The following DNAH9 variants were observed in gnomAD, a reference collection of about 807,000 sequenced individuals.
The protein encoded by DNAH9 is dynein axonemal heavy chain 9.
In DNAH9, 345 loss-of-function variants were observed where a neutral mutation model predicts 471.6. That is an observed-to-expected ratio of 0.73 (90% CI 0.67 to 0.80). DNAH9 has a LOEUF of 0.80. DNAH9 is among the 30% of genes least tolerant of loss of function. The probability of loss-of-function intolerance (pLI) is 0.00; values close to 1 mark genes in which losing one functional copy is unlikely to be tolerated. For synonymous variants in DNAH9, 2,093 were observed against 2,123.6 expected, an observed-to-expected ratio of 0.99 and a Z score of 0.40; for missense variants, 5,407 against 5,609.2, an observed-to-expected ratio of 0.96 and a Z score of 1.15.
chr17:11,959,197 G>A (rs1477653367), intron 67 of DNAH9, among the ~76,000 whole-genome samples: 2 of 152,054 alleles, frequency 1.3e-5, no homozygotes, highest in East Asian at 1.9e-4. Context: ...TCTAAGTTTG[G>A]GAACAAGGCA....
intron 32 of DNAH9, 80 bp from the exon 33 acceptor site, chr17:11,752,753 A>T: frequency 1.6e-6 from 2 of 1,214,592 alleles, no homozygotes; most frequent in Non-Finnish European, 2.3e-6. Flanking sequence ...TGTGTGTTGT[A>T]GCTAAAGGGG....
chr17:11,875,093 C>A lies in DNAH9; in HGVS notation c.10387C>A (p.Pro3463Thr), dbSNP rs767512727. Residue 3463 changes from proline to threonine, a missense_variant, in exon 53 of 69, where the codon CCA (proline) becomes ACA (threonine). Physicochemically the swap from Pro to Thr is conservative, Grantham distance 38. Coordinates refer to ENST00000262442, the MANE Select transcript of DNAH9 (RefSeq NM_001372.4). ...CATTCTCATCAACTGTGAGCGCTGG[C>A]CACTCATGGTTGACCCTCAGCTACA... ...ATILINCERW[P>T]LMVDPQLQGI... The A allele has an allele frequency of 2.5e-6, 4 of 1,613,970 alleles. No homozygotes were observed. The highest frequency in any genetic ancestry group is 1.6e-4 in the Middle Eastern group (1 of 6,084).
chr17:11,695,612 A>AT (rs910034397), intron 22 of DNAH9, among the ~76,000 whole-genome samples: 4 of 152,230 alleles, frequency 2.6e-5, no homozygotes, highest in African/African-American at 7.2e-5. Flanking sequence ...AAAGTAACTA[A>AT]TTGAAGCAGT....
chr17:11,610,648 A>G (rs2072615016), intron 3 of DNAH9, 94 bp downstream of exon 3: 5 of 1,187,758 alleles, frequency 4.2e-6, no homozygotes, highest in Non-Finnish European at 5.9e-6. Context: ...CATTGAGCCT[A>G]TTCTTCCCTA....
chr17:11,858,071 G>C (rs1019759981), intron 50 of DNAH9, among the ~76,000 whole-genome samples: 1 of 152,192 alleles, frequency 6.6e-6, no homozygotes, highest in Non-Finnish European at 1.5e-5. Context: ...GTTAACAGTG[G>C]TGGTGATCTC....
chr17:11,638,635 T>G (rs1237348324), intron 9 of DNAH9, among the ~76,000 whole-genome samples: 1 of 152,162 alleles, frequency 6.6e-6, no homozygotes, highest in East Asian at 1.9e-4. Flanking sequence ...TCTGCCTGCC[T>G]CAGCCTCCCA....
At chr17:11,914,827 C>T (rs1459642935) in intron 61 of DNAH9, among the ~76,000 whole-genome samples, 1 of 152,142 alleles carries the variant, frequency 6.6e-6, no homozygotes, top group Non-Finnish European at 1.5e-5. Context: ...GGGTCCTTTT[C>T]ATTCATCTGC....
intron 42 of DNAH9, among the ~76,000 whole-genome samples, chr17:11,794,753 T>C (rs978157521): frequency 3.3e-5 from 5 of 152,208 alleles, no homozygotes. Context: ...AAATGTGTCC[T>C]GCTAAGTAGT....
At chr17:11,647,804 A>T (rs1340965583) in intron 12 of DNAH9, among the ~76,000 whole-genome samples, 2 of 152,074 alleles carry the variant, frequency 1.3e-5, no homozygotes, top group Non-Finnish European at 2.9e-5. Flanking sequence ...TGGAAATAAG[A>T]CTCTAGATTA....
At chr17:11,793,731 C>CA in intron 42 of DNAH9, 67 bp downstream of exon 42, 1 of 1,224,252 alleles carries the variant, frequency 8.2e-7, no homozygotes, top group Non-Finnish European at 1.1e-6. Context: ...AGATGATCAC[C>CA]CAATGATAAA....
chr17:11,734,154 A>G (rs1386253245), intron 28 of DNAH9, among the ~76,000 whole-genome samples: 2 of 152,158 alleles, frequency 1.3e-5, no homozygotes, highest in Non-Finnish European at 2.9e-5. Context: ...CAACAGCACC[A>G]GCATCCCCTG....
At chr17:11,799,531 A>G (rs1489010358) in intron 43 of DNAH9, among the ~76,000 whole-genome samples, 1 of 151,386 alleles carries the variant, frequency 6.6e-6, no homozygotes, top group Non-Finnish European at 1.5e-5. Context: ...CAGCTCCCCT[A>G]ACTTTCTTGT....
chr17:11,662,851 G>T (rs2073797433), intron 14 of DNAH9, among the ~76,000 whole-genome samples: 2 of 146,120 alleles, frequency 1.4e-5, no homozygotes, highest in Admixed American at 1.4e-4. Flanking sequence ...CGCCTCCCGG[G>T]TTCACGCCAT....
chr17:11,708,006 CACACACACAGAGAGAG>C (rs1333745282), intron 26 of DNAH9, among the ~76,000 whole-genome samples: 9 of 48,214 alleles, frequency 1.9e-4, no homozygotes, highest in Admixed American at 5.6e-4. Context: ...CACACACACA[CACACACACAGAGAGAG>C]AGAGAGAGAG....
intron 30 of DNAH9, among the ~76,000 whole-genome samples, chr17:11,744,166 A>T (rs981727932): frequency 1.3e-5 from 2 of 152,120 alleles, no homozygotes; most frequent in Non-Finnish European, 2.9e-5. Flanking sequence ...TTAAGTAGCA[A>T]TCTGCTACAA....
chr17:11,898,064 A>G (rs1433471581), intron 59 of DNAH9, among the ~76,000 whole-genome samples: 1 of 150,902 alleles, frequency 6.6e-6, no homozygotes, highest in Non-Finnish European at 1.5e-5. Flanking sequence ...ACATCTTCAC[A>G]TGGCTGTCTG....
At chr17:11,692,499 C>G (rs1182941035) in intron 20 of DNAH9, among the ~76,000 whole-genome samples, 1 of 152,068 alleles carries the variant, frequency 6.6e-6, no homozygotes, top group African/African-American at 2.4e-5. Flanking sequence ...AGTATATTTG[C>G]TGAGGGAAAA....
chr17:11,928,050 T>C (rs1402443018), intron 62 of DNAH9, among the ~76,000 whole-genome samples: 1 of 152,186 alleles, frequency 6.6e-6, no homozygotes, highest in Non-Finnish European at 1.5e-5. Flanking sequence ...TCTCAACAAC[T>C]ACTACTATCC....
At chr17:11,714,603 G>A (rs908875993) in intron 26 of DNAH9, among the ~76,000 whole-genome samples, 11 of 152,068 alleles carry the variant, frequency 7.2e-5, no homozygotes, top group African/African-American at 2.7e-4. Flanking sequence ...TGACTGTGAT[G>A]ATATTATTCC....
Sources: gnomAD v4.1 joint callset for allele counts (sites outside exome capture counted in the v4.1 genomes callset) on GRCh38, gnomAD v4.1.1 for gene constraint, MANE v1.5 for transcripts, NCBI Gene and HGNC (gene_info 2026-07-23, HGNC 2026-07-21) for gene names.